Variants in LMX1A observed in about 807,000 individuals in gnomAD.
LMX1A encodes LIM homeobox transcription factor 1-alpha.
In LMX1A, 15 loss-of-function variants were observed where a neutral mutation model predicts 49.1. The observed-to-expected ratio is 0.31, with a 90% CI of 0.20 to 0.47. The LOEUF is 0.47. Among genes scored for constraint, LMX1A ranks in the 20% least tolerant of loss-of-function variants. LMX1A has a pLI of 1.00. For missense variants in LMX1A, 372 were observed against 475.8 expected (o/e 0.78, Z 2.03); for synonymous variants, 167 against 185.7 (o/e 0.90, Z 0.82).
chr1:165,228,393 C>T (rs1216156557), intron 4 of LMX1A, among the ~76,000 whole-genome samples: 8 of 152,184 alleles, frequency 5.3e-5, no homozygotes, highest in African/African-American at 1.7e-4. Context: ...GATTTTCTCA[C>T]CTGGTCCGTT....
At chr1:165,342,959 C>T (rs561478482) in intron 3 of LMX1A, among the ~76,000 whole-genome samples, 2 of 152,206 alleles carry the variant, frequency 1.3e-5, no homozygotes, top group African/African-American at 4.8e-5. Flanking sequence ...TTGTTAACTT[C>T]CCTGAGCCTT....
intron 5 of LMX1A, 98 bp from the exon 6 acceptor site, chr1:165,210,874 T>C (rs1651354529): frequency 1.4e-6 from 1 of 727,620 alleles, no homozygotes; most frequent in South Asian, 2.2e-5. Context: ...AAAGACTGTA[T>C]CTGCTTTAGG....
intron 3 of LMX1A, among the ~76,000 whole-genome samples, chr1:165,352,166 C>G (rs1040829022): frequency 2.0e-5 from 3 of 152,254 alleles, no homozygotes; most frequent in African/African-American, 7.2e-5. Context: ...CCTCCCGGCA[C>G]GCCCGGAGAG....
intron 3 of LMX1A, among the ~76,000 whole-genome samples, chr1:165,347,866 C>T (rs1160027241): frequency 6.6e-6 from 1 of 152,140 alleles, no homozygotes; most frequent in East Asian, 1.9e-4. Context: ...AACACTATGA[C>T]CCAAATAATT....
chr1:165,250,366 TG>T (rs1171551590), intron 3 of LMX1A, among the ~76,000 whole-genome samples: 1 of 152,210 alleles, frequency 6.6e-6, no homozygotes, highest in Non-Finnish European at 1.5e-5. Context: ...TCAGAATCCC[TG>T]GGGGAGCTTA....
At chr1:165,276,282 C>A (rs1653965105) in intron 3 of LMX1A, among the ~76,000 whole-genome samples, 1 of 152,136 alleles carries the variant, frequency 6.6e-6, no homozygotes, top group Non-Finnish European at 1.5e-5. Context: ...GAGACAAGCT[C>A]CTCCTTGTCT....
At chr1:165,245,560 G>A (rs1652822436) in intron 4 of LMX1A, among the ~76,000 whole-genome samples, 1 of 150,864 alleles carries the variant, frequency 6.6e-6, no homozygotes, top group Non-Finnish European at 1.5e-5. Flanking sequence ...ATTCTCTCTG[G>A]TTCGTCAATG....
chr1:165,235,412 ACACACACACACT>A, intron 4 of LMX1A, among the ~76,000 whole-genome samples: 1 of 128,178 alleles, frequency 7.8e-6, no homozygotes, highest in Middle Eastern at 4.0e-3. Flanking sequence ...GCGCGGACAC[ACACACACACACT>A]CACACTCACA....
At chr1:165,300,143 C>G (rs1256137413) in intron 3 of LMX1A, among the ~76,000 whole-genome samples, 2 of 152,208 alleles carry the variant, frequency 1.3e-5, no homozygotes, top group Non-Finnish European at 2.9e-5. Flanking sequence ...CAGGTCAACT[C>G]CTTCACCTGT....
intron 3 of LMX1A, among the ~76,000 whole-genome samples, chr1:165,327,193 C>CA (rs1273901083): frequency 6.6e-6 from 1 of 152,014 alleles, no homozygotes; most frequent in East Asian, 1.9e-4. Flanking sequence ...AGAAGGTAGG[C>CA]AAAAGAGATA....
intron 3 of LMX1A, among the ~76,000 whole-genome samples, chr1:165,333,198 C>T (rs1278998396): frequency 1.3e-5 from 2 of 152,204 alleles, no homozygotes; most frequent in Non-Finnish European, 2.9e-5. Flanking sequence ...CAGAGTTTCA[C>T]TCTTGTTGCC....
intron 4 of LMX1A, among the ~76,000 whole-genome samples, chr1:165,239,548 C>G (rs79456791): frequency 0.12 from 18,467 of 152,218 alleles, 1,198 homozygotes; most frequent in Non-Finnish European, 0.15. Flanking sequence ...AATGCTGAGC[C>G]TCAAACTAAG....
At chr1:165,316,373 C>T (rs1322117929) in intron 3 of LMX1A, among the ~76,000 whole-genome samples, 2 of 152,202 alleles carry the variant, frequency 1.3e-5, no homozygotes, top group African/African-American at 2.4e-5. Flanking sequence ...GGCCCAGGGA[C>T]AGAGCAAAAC....
At chr1:165,296,364 A>G (rs1654622042) in intron 3 of LMX1A, among the ~76,000 whole-genome samples, 1 of 152,266 alleles carries the variant, frequency 6.6e-6, no homozygotes, top group African/African-American at 2.4e-5. Context: ...TACAGTGTGA[A>G]GAGTGAGGCA....
intron 3 of LMX1A, among the ~76,000 whole-genome samples, chr1:165,346,845 T>C (rs1656260849): frequency 6.6e-6 from 1 of 152,224 alleles, no homozygotes. Flanking sequence ...GCTCTAATCC[T>C]CCCGTTAATT....
At chr1:165,241,162 G>T (rs1053261271) in intron 4 of LMX1A, among the ~76,000 whole-genome samples, 1 of 152,132 alleles carries the variant, frequency 6.6e-6, no homozygotes, top group South Asian at 2.1e-4. Context: ...GTATGAATCA[G>T]CCCATCTTTA....
intron 3 of LMX1A, among the ~76,000 whole-genome samples, chr1:165,290,840 G>C (rs1163922892): frequency 6.6e-6 from 1 of 152,196 alleles, no homozygotes; most frequent in Non-Finnish European, 1.5e-5. Flanking sequence ...CACCTTCTGA[G>C]TCAGAAGCTC....
In LMX1A at chr1:165,299,736, G is replaced by C. The variant is rs139848304; in HGVS notation, c.264-50096C>G. Among the ~76,000 whole-genome samples the C allele has an allele frequency of 3.3e-3, 465 of 141,390 alleles. 1 individual carries two copies. The highest frequency in any genetic ancestry group is 0.012 in the African/African-American group (444 of 37,622). 92.8% of individuals were successfully genotyped at this position (141,390 alleles called of 152,430 possible). A position where few individuals can be genotyped will look rare whatever the true frequency, so the allele number is the denominator to read the frequency against. On this transcript the variant is annotated intron_variant, in intron 3 of 8. Transcript: ENST00000342310. ...TATTTCTCTCTTGGAGTTCCTGCAC[G>C]TATGTCTGACAACAAGGAAACCAAG...
At chr1:165,251,094 T>A (rs1033265892) in intron 3 of LMX1A, among the ~76,000 whole-genome samples, 37 of 151,500 alleles carry the variant, frequency 2.4e-4, no homozygotes, top group Non-Finnish European at 5.0e-4. Flanking sequence ...TTTTTTTTTT[T>A]TTTTCTGAGA....
Sources: gnomAD v4.1 joint callset for allele counts (sites outside exome capture counted in the v4.1 genomes callset) on GRCh38, gnomAD v4.1.1 for gene constraint, MANE v1.5 for transcripts, NCBI Gene and HGNC (gene_info 2026-07-23, HGNC 2026-07-21) for gene names.